Variants in SYT17 observed in about 807,000 individuals in gnomAD.
The protein encoded by SYT17 is synaptotagmin-17.
A neutral mutation model predicts 46.7 loss-of-function variants in SYT17; 22 were observed. The ratio of observed to expected loss-of-function variants is 0.47; its 90% CI spans 0.34 to 0.67. The LOEUF (loss-of-function observed/expected upper bound fraction) is 0.67. Ranked by LOEUF, SYT17 falls within the 30% of genes least tolerant of loss-of-function variation. The pLI, the probability that SYT17 is intolerant of heterozygous loss-of-function variation, is 0.01. For synonymous variants in SYT17, 251 were observed against 248.4 expected, an observed-to-expected ratio of 1.01 and a Z score of -0.10; for missense variants, 519 against 612.8, an observed-to-expected ratio of 0.85 and a Z score of 1.62.
chr16:19,191,141 A>G (rs1056525104), intron 5 of SYT17, among the ~76,000 whole-genome samples: 1 of 152,044 alleles, frequency 6.6e-6, no homozygotes, highest in Non-Finnish European at 1.5e-5. Context: ...CAGTATTCCT[A>G]AAGTTTGTGC....
intron 5 of SYT17, among the ~76,000 whole-genome samples, chr16:19,208,792 G>A (rs1466180397): frequency 6.8e-6 from 1 of 147,674 alleles, no homozygotes; most frequent in Non-Finnish European, 1.5e-5. Flanking sequence ...ATGTCTAAAT[G>A]TCCTCTTTTC....
chr16:19,172,634 G>C (rs1964140913), intron 1 of SYT17, 126 bp from the exon 2 acceptor site: 7 of 1,483,418 alleles, frequency 4.7e-6, no homozygotes, highest in Non-Finnish European at 6.3e-6. Context: ...AATATGCAGG[G>C]CTTTTTTTTT....
chr16:19,233,516 C>T lies in SYT17; in HGVS notation c.1228+8678C>T, dbSNP rs189303126. ...AAAAAAAAATTAAAAATTAGCTGGGCATGGTGGTGCATGTCTGTCATCCCA... is the reference window on the plus strand; with the variant it reads ...AAAAAAAAATTAAAAATTAGCTGGGTATGGTGGTGCATGTCTGTCATCCCA... On this transcript the variant is annotated intron_variant, in intron 7 of 7. Coordinates refer to ENST00000355377, the MANE Select transcript of SYT17 (RefSeq NM_016524.4). Among the ~76,000 whole-genome samples the T allele has an allele frequency of 4.3e-3, 648 of 151,780 alleles. 2 individuals are homozygous for T. The highest frequency in any genetic ancestry group is 7.5e-3 in the Non-Finnish European group (513 of 67,954).
At chr16:19,249,334 G>A (rs1476933772) in intron 7 of SYT17, among the ~76,000 whole-genome samples, 1 of 142,720 alleles carries the variant, frequency 7.0e-6, no homozygotes, top group Non-Finnish European at 1.6e-5. Context: ...GTGGAAGAAA[G>A]CAGCAGGCAA....
chr16:19,186,097 A>G (rs1013113539), intron 5 of SYT17, among the ~76,000 whole-genome samples: 1 of 152,086 alleles, frequency 6.6e-6, no homozygotes, highest in Non-Finnish European at 1.5e-5. Flanking sequence ...CTCCCAGACA[A>G]GGGCTGGCTC....
At chr16:19,225,682 T>A (rs1200830725) in intron 7 of SYT17, among the ~76,000 whole-genome samples, 3 of 152,098 alleles carry the variant, frequency 2.0e-5, no homozygotes, top group Non-Finnish European at 4.4e-5. Context: ...TCAGCATGAT[T>A]TAGTTCCCTG....
intron 5 of SYT17, among the ~76,000 whole-genome samples, chr16:19,216,672 G>C (rs1966108042): frequency 6.6e-6 from 1 of 152,052 alleles, no homozygotes; most frequent in Non-Finnish European, 1.5e-5. Context: ...TGAGGATGAT[G>C]GTTTCCAGCT....
chr16:19,178,250 T>TA (rs1964397712), intron 3 of SYT17, among the ~76,000 whole-genome samples: 1 of 62,926 alleles, frequency 1.6e-5, no homozygotes, highest in African/African-American at 5.1e-5. Context: ...GCCCGGCTAA[T>TA]TTTTTGTATT....
chr16:19,192,081 G>C (rs538055145), intron 5 of SYT17, among the ~76,000 whole-genome samples: 1 of 152,188 alleles, frequency 6.6e-6, no homozygotes, highest in Non-Finnish European at 1.5e-5. Context: ...CCGCGCGGCC[G>C]CACTGTACAA....
intron 5 of SYT17, among the ~76,000 whole-genome samples, chr16:19,201,464 C>T (rs190671512): frequency 1.4e-4 from 22 of 152,186 alleles, no homozygotes; most frequent in Non-Finnish European, 2.5e-4. Context: ...TGCCCAGTGT[C>T]AGCCCCACCC....
intron 5 of SYT17, among the ~76,000 whole-genome samples, chr16:19,220,767 C>G (rs1966285975): frequency 6.6e-6 from 1 of 152,104 alleles, no homozygotes; most frequent in Non-Finnish European, 1.5e-5. Flanking sequence ...AGTCGGGGGT[C>G]AGGGATTTTT....
chr16:19,246,016 T>C (rs55798510), intron 7 of SYT17, among the ~76,000 whole-genome samples: 1 of 151,838 alleles, frequency 6.6e-6, no homozygotes, highest in African/African-American at 2.4e-5. Context: ...TTATTTATTT[T>C]TTTTTTTGAG....
chr16:19,223,148 A>T lies in SYT17; in HGVS notation c.1055A>T (p.Asp352Val). Reference protein sequence around the residue: ...VIRAKQLLQTDVSQGSDPFVK... With the variant: ...VIRAKQLLQTVVSQGSDPFVK... ...CGAGCCAAGCAACTTCTTCAGACAGATGTGAGCCAAGGTTCAGGTACCGTG... is the reference window on the plus strand; with the variant it reads ...CGAGCCAAGCAACTTCTTCAGACAGTTGTGAGCCAAGGTTCAGGTACCGTG... Residue 352 changes from aspartate to valine, a missense_variant, in exon 6 of 8, where the codon GAT becomes GTT. Asp to Val is a radical substitution (Grantham distance 152). Transcript: ENST00000355377. 1 of 1,613,836 alleles carries T rather than the reference A, an allele frequency of 6.2e-7. No homozygotes were observed. Among genetic ancestry groups the T allele is most frequent in the Admixed American group, 1.7e-5 (1 of 59,996 alleles).
intron 5 of SYT17, among the ~76,000 whole-genome samples, chr16:19,204,676 G>A (rs1344996590): frequency 6.6e-6 from 1 of 152,062 alleles, no homozygotes; most frequent in African/African-American, 2.4e-5. Flanking sequence ...TATTTCCGGG[G>A]CACTTGTGAA....
At chr16:19,191,892 C>A (rs1255578223) in intron 5 of SYT17, among the ~76,000 whole-genome samples, 2 of 152,042 alleles carry the variant, frequency 1.3e-5, no homozygotes, top group African/African-American at 2.4e-5. Context: ...TCAAGTGATT[C>A]TCCTGCCCCA....
At position 19,183,542 on chromosome 16, in the gene SYT17, C is replaced by T. The variant is rs139600806; in HGVS notation, c.346C>T (p.Arg116Cys). Reference protein sequence around the residue: ...TRRISSLESRRPSSPLIDIKP... With the variant: ...TRRISSLESRCPSSPLIDIKP... ...GTGGCTCTCAGGTCTTGAGTCAAGA[C>T]GTCCCAGCTCTCCACTCATCGATAT... The change falls in exon 5 of 8, where the codon CGT becomes TGT. Residue 116 changes from arginine to cysteine, a missense_variant. By Grantham distance (180) the Arg-to-Cys change is radical. Coordinates refer to ENST00000355377, the MANE Select transcript of SYT17 (RefSeq NM_016524.4). This position sits in a 1 kb window ranked among gnomAD's most constrained non-coding sequence, Gnocchi z 5.6. 2.3e-4 allele frequency: 365 copies of T among 1,614,024 alleles called. No individual in the cohort carries two copies. The South Asian group carries it at 2.4e-3, about 11-fold the overall frequency.
chr16:19,224,560 G>T, intron 6 of SYT17, 123 bp from the exon 7 acceptor site: 1 of 1,050,118 alleles, frequency 9.5e-7, no homozygotes, highest in Non-Finnish European at 1.4e-6. Flanking sequence ...AAGTTGAATG[G>T]GTGGATGGAT....
At chr16:19,211,485 G>A in intron 5 of SYT17, 2 of 703,906 alleles carry the variant, frequency 2.8e-6, no homozygotes, top group Non-Finnish European at 5.2e-6. Flanking sequence ...GAAATGACAA[G>A]GTGGTGTGAT....
intron 5 of SYT17, among the ~76,000 whole-genome samples, chr16:19,187,477 C>A (rs1039331952): frequency 6.6e-6 from 1 of 152,132 alleles, no homozygotes; most frequent in South Asian, 2.1e-4. Context: ...TGTATTTGCT[C>A]ACATTTGGGG....
Sources: allele counts gnomAD v4.1 joint callset (sites outside exome capture counted in the v4.1 genomes callset), GRCh38; gene constraint gnomAD v4.1.1; non-coding constraint Gnocchi (gnomAD v3.1); transcripts MANE v1.5; gene names NCBI Gene and HGNC (gene_info 2026-07-23, HGNC 2026-07-21).